CALML4: variants seen among roughly 807,000 people sequenced by gnomAD.
CALML4 encodes the protein calmodulin-like protein 4.
CALML4 carries 16 observed loss-of-function variants against 17.9 expected under a neutral mutation model. The ratio of observed to expected loss-of-function variants is 0.89; its 90% CI spans 0.61 to 1.36. The LOEUF (loss-of-function observed/expected upper bound fraction) is 1.36, where lower values mean the gene tolerates loss of function less well. Ranked by LOEUF, CALML4 falls within the 40% of genes most tolerant of loss-of-function variation. The pLI is 0.00. For missense variants in CALML4, 203 were observed against 194.8 expected, an observed-to-expected ratio of 1.04 and a Z score of -0.25; for synonymous variants, 86 against 71.5, an observed-to-expected ratio of 1.20 and a Z score of -1.02.
chr15:68,194,625 C>T (rs2093135199), intron 4 of CALML4, among the ~76,000 whole-genome samples: 1 of 152,062 alleles, frequency 6.6e-6, no homozygotes, highest in Non-Finnish European at 1.5e-5. Context: ...CTCAGGTGAG[C>T]CATCCACCTC....
chr15:68,199,227 C>T (rs986102196), intron 3 of CALML4, among the ~76,000 whole-genome samples: 1 of 151,954 alleles, frequency 6.6e-6, no homozygotes, highest in African/African-American at 2.4e-5. Flanking sequence ...AAGCACATGA[C>T]AAATACTCAA....
In CALML4 at chr15:68,199,666, A is replaced by T. The variant is rs761110335; in HGVS notation, c.50T>A (p.Phe17Tyr). Residue 17 changes from phenylalanine (F) to tyrosine (Y), a missense_variant, in exon 3 of 5, where the codon TTC (phenylalanine) becomes TAC (tyrosine). Physicochemically the swap from Phe to Tyr is conservative, Grantham distance 22. Transcript: ENST00000467889. ...CCTCTGCTGCTTGTCATACAGGGAG[A>T]AGCATTCCTTGTACTCTGCACACGG... ...QDQINEYKEC[F>Y]SLYDKQQRGK... 6.8e-6 allele frequency: 11 copies of T among 1,612,942 alleles called. No homozygotes were observed. The South Asian group carries it at 1.2e-4, about 18-fold the overall frequency.
Position 68,191,234 on chromosome 15 carries a change from G to A in CALML4, c.*2781C>T, listed in dbSNP as rs745891306. 2.0e-5 allele frequency: 3 copies of A among 152,608 alleles called. No individual in the cohort carries two copies. The highest frequency in any genetic ancestry group is 4.4e-5 in the Non-Finnish European group (3 of 68,038). The allele number at this position is 152,608 out of a possible 1,614,324, so 9.5% of individuals were successfully genotyped here. On this transcript the variant is annotated 3_prime_UTR_variant, in exon 5 of 5. Coordinates refer to ENST00000467889, the MANE Select transcript of CALML4 (RefSeq NM_033429.3). ...CAGATAAAGTTACCATAAATTCCAT[G>A]AACTTAAATCTGTGATTCATTGCCT...
At chr15:68,198,548 CTTTT>C (rs932049748) in intron 3 of CALML4, 1 of 152,220 alleles carries the variant, frequency 6.6e-6, no homozygotes, top group Non-Finnish European at 1.5e-5. Context: ...TCTGAAACTA[CTTTT>C]TTTCTTAGAA....
chr15:68,201,910 TCTC>T (rs1215959487), intron 2 of CALML4, among the ~76,000 whole-genome samples: 3 of 152,176 alleles, frequency 2.0e-5, no homozygotes, highest in Non-Finnish European at 4.4e-5. Context: ...TCCTGCTTTT[TCTC>T]CTGACAGGTC....
At chr15:68,205,417 C>T (rs761763697), upstream of CALML4, 4 of 1,611,734 alleles carry the variant, frequency 2.5e-6, no homozygotes, top group Admixed American at 1.7e-5. This position sits in a 1 kb window ranked among gnomAD's most constrained non-coding sequence, Gnocchi z 4.8. Flanking sequence ...ATTCCAGCTT[C>T]CTGAGCACAG....
chr15:68,205,660 G>A, upstream of CALML4: 1 of 425,322 alleles, frequency 2.4e-6, no homozygotes. This position sits in a 1 kb window ranked among gnomAD's most constrained non-coding sequence, Gnocchi z 4.8. Flanking sequence ...GGGTCGTATT[G>A]AAGGCTCCTC....
intron 4 of CALML4, among the ~76,000 whole-genome samples, chr15:68,196,890 G>T (rs1261687103): frequency 6.6e-6 from 1 of 152,222 alleles, no homozygotes; most frequent in Non-Finnish European, 1.5e-5. Context: ...TCCCTCTGGA[G>T]CCCCTTTCTG....
chr15:68,192,028 A>G lies in CALML4; in HGVS notation c.*1987T>C, dbSNP rs1347619582. On this transcript the variant is annotated 3_prime_UTR_variant, in exon 5 of 5. Coordinates refer to ENST00000467889, the MANE Select transcript of CALML4 (RefSeq NM_033429.3). Reference sequence around the variant, plus strand: ...CTTTAAAACCATACTGGGACTATTCAGTGATAAATATAGACATAGAAAAGC... The same window carrying G: ...CTTTAAAACCATACTGGGACTATTCGGTGATAAATATAGACATAGAAAAGC... 6.6e-6 allele frequency: 1 copy of G among 152,264 alleles called. No individual in the cohort carries two copies. Among genetic ancestry groups the G allele is most frequent in the Non-Finnish European group, 1.5e-5 (1 of 68,050 alleles). The allele number at this position is 152,264 out of a possible 1,614,324, so 9.4% of individuals were successfully genotyped here. A position where few individuals can be genotyped will look rare whatever the true frequency, so the allele number is the denominator to read the frequency against.
intron 4 of CALML4, 78 bp from the exon 5 acceptor site, chr15:68,194,190 G>GC: frequency 2.8e-6 from 3 of 1,088,242 alleles, no homozygotes; most frequent in Non-Finnish European, 4.2e-6. Flanking sequence ...GGGGACTGGA[G>GC]CTCCCCTAAG....
chr15:68,199,745 C>A, intron 2 of CALML4, 64 bp from the exon 3 acceptor site: 2 of 1,532,736 alleles, frequency 1.3e-6, no homozygotes, highest in East Asian at 2.3e-5. Flanking sequence ...CCGCCCTCCC[C>A]ATCCTTAGTC....
intron 4 of CALML4, 93 bp from the exon 5 acceptor site, chr15:68,194,205 T>C: frequency 1.1e-6 from 1 of 871,258 alleles, no homozygotes; most frequent in Non-Finnish European, 1.9e-6. Flanking sequence ...CCTAAGGTCT[T>C]CCCTGAGCGT....
At chr15:68,205,684 T>G (rs970953047), upstream of CALML4, 3 of 351,056 alleles carry the variant, frequency 8.5e-6, no homozygotes, top group Non-Finnish European at 1.6e-5. The surrounding 1 kb of genome is among the most constrained non-coding windows in gnomAD (Gnocchi z 4.8). Flanking sequence ...CACCATCTTG[T>G]AGGAGGAAGG....
intron 4 of CALML4, among the ~76,000 whole-genome samples, chr15:68,195,014 C>T (rs1233909826): frequency 1.5e-5 from 2 of 137,104 alleles, no homozygotes; most frequent in South Asian, 4.7e-4. Flanking sequence ...TCACAGTATA[C>T]AAAACAAAAC....
At chr15:68,205,470 G>A (rs937759603), upstream of CALML4, 11 of 1,500,138 alleles carry the variant, frequency 7.3e-6, no homozygotes, top group Admixed American at 9.0e-5. The surrounding 1 kb of genome is among the most constrained non-coding windows in gnomAD (Gnocchi z 4.8). Context: ...TTGAGGAAAT[G>A]GGGCTGCAGA....
intron 4 of CALML4, among the ~76,000 whole-genome samples, chr15:68,194,400 TTTA>T (rs1454767696): frequency 2.0e-5 from 3 of 151,392 alleles, no homozygotes; most frequent in Non-Finnish European, 4.4e-5. Context: ...TTTTTTTTTT[TTTA>T]AAACAGTTTC....
intron 3 of CALML4, chr15:68,198,735 A>AAT (rs756889025): frequency 3.3e-5 from 5 of 152,000 alleles, no homozygotes; most frequent in Admixed American, 2.6e-4. Flanking sequence ...TTTTTCTAGC[A>AAT]ATAGTTTTTC....
In CALML4 at chr15:68,199,650, C is replaced by A. The variant is rs762588698; in HGVS notation, c.66G>T (p.Lys22Asn). 6.2e-6 allele frequency: 10 copies of A among 1,613,394 alleles called. No individual in the cohort carries two copies. The highest frequency in any genetic ancestry group is 7.6e-6 in the Non-Finnish European group (9 of 1,179,960). ...EYKECFSLYD[K>N]QQRGKIKATD... ...TGGCTTTTATCTTCCCCCTCTGCTG[C>A]TTGTCATACAGGGAGAAGCATTCCT... The change falls in exon 3 of 5, where the codon AAG becomes AAT. Residue 22 changes from lysine to asparagine, a missense_variant. Coordinates refer to ENST00000467889, the MANE Select transcript of CALML4 (RefSeq NM_033429.3).
chr15:68,205,099 T>C lies in CALML4; in HGVS notation c.34+22A>G, dbSNP rs1257177945. 2 of 1,613,682 alleles carry C rather than the reference T, an allele frequency of 1.2e-6. No individual in the cohort carries two copies. The highest frequency in any genetic ancestry group is 1.7e-5 in the Admixed American group (1 of 60,012). ...GACCCATATTTTGCTGAGTTGCTAA[T>C]CAAAGAACAAACCCAACCTACCATT... On this transcript the variant is annotated intron_variant, in intron 2 of 4. Transcript: ENST00000467889. This position sits in a 1 kb window ranked among gnomAD's most constrained non-coding sequence, Gnocchi z 4.8.
Sources: allele counts gnomAD v4.1 joint callset (sites outside exome capture counted in the v4.1 genomes callset), GRCh38; gene constraint gnomAD v4.1.1; non-coding constraint Gnocchi (gnomAD v3.1); transcripts MANE v1.5; gene names NCBI Gene and HGNC (gene_info 2026-07-23, HGNC 2026-07-21).